SERHL2: variants seen among roughly 807,000 people sequenced by gnomAD.
SERHL2 encodes the protein serine hydrolase-like protein 2.
In SERHL2, 29 loss-of-function variants were observed where a neutral mutation model predicts 25.5. That is an observed-to-expected ratio of 1.14 (90% CI 0.85 to 1.55). The LOEUF (loss-of-function observed/expected upper bound fraction) is 1.55. Among genes scored for constraint, SERHL2 ranks in the 40% most tolerant of loss-of-function variants. SERHL2 has a pLI of 0.00. For synonymous variants in SERHL2, 95 were observed against 103.5 expected (o/e 0.92, Z 0.50); for missense variants, 240 against 252.3 (o/e 0.95, Z 0.33).
rs150170009 is a variant in SERHL2 at position 42,560,078 on chromosome 22, C to G, written c.534-108C>G. 1.2e-3 allele frequency: 931 copies of G among 802,164 alleles called. 13 individuals are homozygous for G. The East Asian group carries it at 0.021, about 18-fold the overall frequency. 49.7% of individuals were successfully genotyped at this position (802,164 alleles called of 1,614,324 possible). A position where few individuals can be genotyped will look rare whatever the true frequency, so the allele number is the denominator to read the frequency against. ...CCGCCCATCTTGTCCTCCCAAAGTG[C>G]TGGGATTACAGGCATGAGCCACCGT... On this transcript the variant is annotated intron_variant, in intron 7 of 11. Coordinates refer to ENST00000327678, the MANE Select transcript of SERHL2 (RefSeq NM_014509.5).
At chr22:42,562,483 C>T (rs1364393950) in intron 8 of SERHL2, among the ~76,000 whole-genome samples, 1 of 151,716 alleles carries the variant, frequency 6.6e-6, no homozygotes, top group East Asian at 1.9e-4. Flanking sequence ...AGCCCGTTGG[C>T]TTGTGTGTGA....
rs149730264 is a variant in SERHL2, at chr22:42,570,285, C to T, written c.649-836C>T. ...AAAAATACAAAATTAGGCCTGGTGG[C>T]GCATGCCTGTAATCCCAGCTACTCG... On this transcript the variant is annotated intron_variant, in intron 9 of 11. Coordinates refer to ENST00000327678, the MANE Select transcript of SERHL2 (RefSeq NM_014509.5). Among the ~76,000 whole-genome samples the T allele has an allele frequency of 1.9e-3, 294 of 152,016 alleles. 3 individuals are homozygous for T. Among genetic ancestry groups the T allele is most frequent in the Non-Finnish European group, 3.5e-3 (235 of 67,956 alleles).
At chr22:42,564,793 T>G (rs1175429905) in intron 8 of SERHL2, among the ~76,000 whole-genome samples, 1 of 151,854 alleles carries the variant, frequency 6.6e-6, no homozygotes, top group Non-Finnish European at 1.5e-5. Context: ...GTTTTTCTAC[T>G]AGTCTTTTTT....
intron 9 of SERHL2, among the ~76,000 whole-genome samples, chr22:42,567,725 T>A (rs1453078996): frequency 6.8e-6 from 1 of 147,992 alleles, no homozygotes; most frequent in Non-Finnish European, 1.5e-5. Flanking sequence ...TTTAATTTTA[T>A]TATTATTATT....
chr22:42,573,786 A>C (rs1046375057), intron 11 of SERHL2, 150 bp from the exon 12 acceptor site: 8 of 778,048 alleles, frequency 1.0e-5, no homozygotes, highest in African/African-American at 1.8e-5. Context: ...TCGGGGCTCC[A>C]AGGAGCCGAG....
intron 9 of SERHL2, chr22:42,569,936 C>T (rs763401183): frequency 1.3e-5 from 2 of 151,526 alleles, no homozygotes; most frequent in African/African-American, 2.4e-5. Flanking sequence ...GGGAGCTGGT[C>T]CTTACGGGAG....
intron 8 of SERHL2, among the ~76,000 whole-genome samples, chr22:42,563,089 A>G (rs1922884833): frequency 6.6e-6 from 1 of 151,798 alleles, no homozygotes; most frequent in Non-Finnish European, 1.5e-5. Flanking sequence ...GCTACTTAGG[A>G]GGCTGAAGTG....
chr22:42,566,334 C>T lies in SERHL2; in HGVS notation c.644C>T (p.Ala215Val). 6.2e-7 allele frequency: 1 copy of T among 1,611,920 alleles called. No homozygotes were observed. The highest frequency in any genetic ancestry group is 8.5e-7 in the Non-Finnish European group (1 of 1,179,196). Residue 215 changes from alanine (A) to valine (V), a missense_variant, in exon 9 of 12, where the codon GCC becomes GTC. Ala to Val is a moderately conservative substitution (Grantham distance 64, BLOSUM62 0). Around this residue, in one of 4 missense-constraint regions of SERHL2, gnomAD observed 212 missense variants for 168.9 expected, o/e 1.25. Transcript: ENST00000327678. ...GTTCTGAACAGAGACCAGAGGCTCG[C>T]CTGGGTGAGTACCACTGCCTCCGGG... ...GLVLNRDQRL[A>V]WAENSIDFIS...
At chr22:42,561,717 C>T (rs1011501874) in intron 8 of SERHL2, among the ~76,000 whole-genome samples, 17 of 151,744 alleles carry the variant, frequency 1.1e-4, no homozygotes, top group East Asian at 3.9e-4. Context: ...CAGCATCCCC[C>T]GAGGGTCTAA....
At chr22:42,560,390 C>T (rs1467069663) in intron 8 of SERHL2, 125 bp downstream of exon 8, 3 of 706,824 alleles carry the variant, frequency 4.2e-6, no homozygotes, top group Non-Finnish European at 7.6e-6. Flanking sequence ...CTGAATCCCC[C>T]TCCTGCCTCA....
intron 9 of SERHL2, chr22:42,569,922 T>G (rs1204018499): frequency 6.6e-6 from 1 of 151,732 alleles, no homozygotes; most frequent in Non-Finnish European, 1.5e-5. Flanking sequence ...CGGGTGTAAC[T>G]TAGGGGAGCT....
chr22:42,568,743 T>A (rs13055231), intron 9 of SERHL2, among the ~76,000 whole-genome samples: 1 of 151,980 alleles, frequency 6.6e-6, no homozygotes, highest in African/African-American at 2.4e-5. Flanking sequence ...GGCAGGCAGA[T>A]CACTTGAGGC....
At chr22:42,560,971 C>T (rs1922610663) in intron 8 of SERHL2, among the ~76,000 whole-genome samples, 2 of 151,852 alleles carry the variant, frequency 1.3e-5, no homozygotes, top group Non-Finnish European at 2.9e-5. Context: ...AGCCGACTGT[C>T]CCTCTCTCAG....
intron 8 of SERHL2, among the ~76,000 whole-genome samples, chr22:42,562,371 C>T (rs772530994): frequency 8.6e-5 from 13 of 151,866 alleles, no homozygotes; most frequent in Non-Finnish European, 1.9e-4. Context: ...CCCACAGTTC[C>T]GGAGTTCAGG....
intron 10 of SERHL2, chr22:42,572,012 GA>G (rs1268478162): frequency 6.5e-6 from 1 of 153,606 alleles, no homozygotes; most frequent in East Asian, 1.9e-4. Context: ...TGGGGGCGAT[GA>G]AAATGTCCTG....
At chr22:42,564,618 G>GA (rs1344399921) in intron 8 of SERHL2, among the ~76,000 whole-genome samples, 1 of 151,592 alleles carries the variant, frequency 6.6e-6, no homozygotes, top group East Asian at 1.9e-4. Flanking sequence ...TTTTAGTAGA[G>GA]ATGGGGTTCA....
intron 11 of SERHL2, 46 bp downstream of exon 11, chr22:42,572,575 T>A: frequency 6.2e-7 from 1 of 1,602,470 alleles, no homozygotes; most frequent in South Asian, 1.1e-5. Flanking sequence ...TGTCGCCCAC[T>A]CTGGTCCCAC....
At chr22:42,573,572 T>C (rs1924570683) in intron 11 of SERHL2, 1 of 234,558 alleles carries the variant, frequency 4.3e-6, no homozygotes, top group Non-Finnish European at 8.4e-6. Context: ...GTCTGGCTTC[T>C]TGAAGGCAGA....
intron 8 of SERHL2, among the ~76,000 whole-genome samples, chr22:42,564,724 C>G (rs1438989782): frequency 6.6e-6 from 1 of 151,964 alleles, no homozygotes; most frequent in East Asian, 1.9e-4. Context: ...AGCCACCGCA[C>G]CCGGCCTGAG....
Sources: allele counts gnomAD v4.1 joint callset (sites outside exome capture counted in the v4.1 genomes callset), GRCh38; gene constraint gnomAD v4.1.1; regional missense constraint gnomAD v4.1.1; transcripts MANE v1.5; gene names NCBI Gene and HGNC (gene_info 2026-07-23, HGNC 2026-07-21).